The following RAP1GDS1 variants were observed in gnomAD, a reference collection of about 807,000 sequenced individuals.
The protein encoded by RAP1GDS1 is RAP1, GTP-GDP dissociation stimulator 1.
A neutral mutation model predicts 71.1 loss-of-function variants in RAP1GDS1; 35 were observed. The ratio of observed to expected loss-of-function variants is 0.49; its 90% CI spans 0.38 to 0.65. RAP1GDS1 has a LOEUF of 0.65. Ranked by LOEUF, RAP1GDS1 falls within the 30% of genes least tolerant of loss-of-function variation. The pLI, the probability that RAP1GDS1 is intolerant of heterozygous loss-of-function variation, is 0.00. For missense variants in RAP1GDS1, 663 were observed against 706.1 expected (o/e 0.94, Z 0.69); for synonymous variants, 229 against 243.1 (o/e 0.94, Z 0.54).
chr4:98,370,885 A>C (rs2110466355), intron 4 of RAP1GDS1, among the ~76,000 whole-genome samples: 1 of 152,020 alleles, frequency 6.6e-6, no homozygotes, highest in South Asian at 2.1e-4. Context: ...TGAGGCTTTT[A>C]TTCTGTTTAC....
At chr4:98,422,801 G>A (rs1393001197) in intron 12 of RAP1GDS1, among the ~76,000 whole-genome samples, 3 of 152,134 alleles carry the variant, frequency 2.0e-5, no homozygotes, top group African/African-American at 4.8e-5. Context: ...CTTTCCCTGG[G>A]GAAAAGCAGC....
intron 1 of RAP1GDS1, among the ~76,000 whole-genome samples, chr4:98,289,587 A>G (rs1054580253): frequency 2.3e-4 from 35 of 150,344 alleles, no homozygotes; most frequent in African/African-American, 8.3e-4. Flanking sequence ...AAAGAAAAGT[A>G]GGAAACTGAA....
At position 98,349,985 on chromosome 4, in the gene RAP1GDS1, C is replaced by A. The variant is rs1446815960; in HGVS notation, c.236-2491C>A. Among the ~76,000 whole-genome samples, 3 of 152,166 alleles carry A rather than the reference C, an allele frequency of 2.0e-5. No homozygotes were observed. In the South Asian group the frequency reaches 6.2e-4, roughly 32 times the overall value. The stretch of plus-strand genomic sequence containing the variant: ...AATTCTTTTTTACTTTATCCAGAGA[C>A]TGACAGTGACTGAAAGCTGAGGAAT... On this transcript the variant is annotated intron_variant, in intron 3 of 14. Coordinates refer to ENST00000408927, the MANE Select transcript of RAP1GDS1 (RefSeq NM_001100427.2).
chr4:98,368,282 A>G (rs1578613326), intron 4 of RAP1GDS1, among the ~76,000 whole-genome samples: 1 of 152,212 alleles, frequency 6.6e-6, no homozygotes, highest in African/African-American at 2.4e-5. Flanking sequence ...GCGGAACTAT[A>G]AGACCAATTA....
intron 4 of RAP1GDS1, among the ~76,000 whole-genome samples, chr4:98,362,495 A>G (rs1318512989): frequency 1.3e-5 from 2 of 152,066 alleles, no homozygotes; most frequent in Non-Finnish European, 2.9e-5. Flanking sequence ...AACTAACACA[A>G]TGTAGGTATG....
At chr4:98,415,145 T>C (rs989214886) in intron 7 of RAP1GDS1, among the ~76,000 whole-genome samples, 5 of 152,214 alleles carry the variant, frequency 3.3e-5, no homozygotes, top group African/African-American at 1.2e-4. Context: ...CATCCGTTTA[T>C]AGGCTCTCTG....
At chr4:98,368,661 T>C (rs1392258798) in intron 4 of RAP1GDS1, among the ~76,000 whole-genome samples, 1 of 152,216 alleles carries the variant, frequency 6.6e-6, no homozygotes, top group East Asian at 1.9e-4. Flanking sequence ...CCTTGAACTT[T>C]TTTCATCATT....
intron 2 of RAP1GDS1, among the ~76,000 whole-genome samples, chr4:98,321,297 G>A (rs1731842095): frequency 6.7e-6 from 1 of 149,282 alleles, no homozygotes; most frequent in Non-Finnish European, 1.5e-5. Flanking sequence ...ACGTCTGATT[G>A]GTGTACCTGA....
At chr4:98,342,121 A>G (rs181329166) in intron 2 of RAP1GDS1, among the ~76,000 whole-genome samples, 28 of 152,270 alleles carry the variant, frequency 1.8e-4, no homozygotes, top group African/African-American at 6.5e-4. Flanking sequence ...GTATTAAACA[A>G]TCAGCACTTA....
intron 9 of RAP1GDS1, 24 bp from the exon 10 acceptor site, chr4:98,418,633 A>C (rs201680337): frequency 6.3e-7 from 1 of 1,578,166 alleles, no homozygotes; most frequent in Non-Finnish European, 8.6e-7. Context: ...AGAGGAAGAA[A>C]AAGATGTGTG....
In RAP1GDS1 at chr4:98,352,459, A is replaced by T; in HGVS notation, c.236-17A>T. The T allele has an allele frequency of 6.2e-7, 1 of 1,610,064 alleles. No individual in the cohort carries two copies. ...TGAATCGTTAGATTTTTAATTAAAC[A>T]TGTCTCTTATTTTCAGAGTTTATGC... On this transcript the variant is annotated splice_polypyrimidine_tract_variant and intron_variant, in intron 3 of 14. Transcript: ENST00000408927.
intron 5 of RAP1GDS1, among the ~76,000 whole-genome samples, chr4:98,387,928 T>C (rs1218724421): frequency 1.3e-5 from 2 of 152,176 alleles, no homozygotes; most frequent in African/African-American, 4.8e-5. Flanking sequence ...CAAGAACTAT[T>C]TCTAGTTCTC....
At chr4:98,347,816 T>G (rs1239269076) in intron 3 of RAP1GDS1, among the ~76,000 whole-genome samples, 2 of 152,284 alleles carry the variant, frequency 1.3e-5, no homozygotes, top group African/African-American at 4.8e-5. Context: ...TAGACCATCT[T>G]TTAGGCTATT....
chr4:98,337,918 G>C (rs984846921), intron 2 of RAP1GDS1, among the ~76,000 whole-genome samples: 1 of 152,182 alleles, frequency 6.6e-6, no homozygotes, highest in Admixed American at 6.5e-5. Context: ...ATGAAAAGAT[G>C]TGGAGGATTG....
intron 12 of RAP1GDS1, among the ~76,000 whole-genome samples, chr4:98,423,046 T>C (rs1395550439): frequency 6.6e-6 from 1 of 152,230 alleles, no homozygotes; most frequent in Non-Finnish European, 1.5e-5. Context: ...TACTAAAAAA[T>C]AGTGTTTCTA....
chr4:98,312,660 T>C (rs1212127079), intron 2 of RAP1GDS1, among the ~76,000 whole-genome samples: 1 of 152,076 alleles, frequency 6.6e-6, no homozygotes, highest in Non-Finnish European at 1.5e-5. Flanking sequence ...TCTTCAGAGA[T>C]ATAGAACCAA....
chr4:98,424,002 A>C (rs560271946), intron 12 of RAP1GDS1, among the ~76,000 whole-genome samples: 1 of 152,222 alleles, frequency 6.6e-6, no homozygotes, highest in Non-Finnish European at 1.5e-5. Context: ...AACAAATTTC[A>C]TATGGGTTAT....
At chr4:98,286,257 C>A (rs1725989293) in intron 1 of RAP1GDS1, among the ~76,000 whole-genome samples, 2 of 149,608 alleles carry the variant, frequency 1.3e-5, no homozygotes, top group Non-Finnish European at 3.0e-5. Context: ...AGAGTGAGAC[C>A]CTGTCTCAAA....
chr4:98,415,282 C>G (rs965171848), intron 7 of RAP1GDS1, among the ~76,000 whole-genome samples: 3 of 152,122 alleles, frequency 2.0e-5, no homozygotes. Flanking sequence ...TCATATTGTT[C>G]AAACACCCAT....
Sources: gnomAD v4.1 joint callset for allele counts (sites outside exome capture counted in the v4.1 genomes callset) on GRCh38, gnomAD v4.1.1 for gene constraint, MANE v1.5 for transcripts, NCBI Gene and HGNC (gene_info 2026-07-23, HGNC 2026-07-21) for gene names.